GALNTL6: variants seen among roughly 807,000 people sequenced by gnomAD.
The protein encoded by GALNTL6 is polypeptide N-acetylgalactosaminyltransferase-like 6.
In GALNTL6, 46 loss-of-function variants were observed where a neutral mutation model predicts 73.7. That is an observed-to-expected ratio of 0.62 (90% CI 0.49 to 0.80). GALNTL6 has a LOEUF of 0.80. Ranked by LOEUF, GALNTL6 falls within the 30% of genes least tolerant of loss-of-function variation. The probability of loss-of-function intolerance (pLI) is 0.00; values close to 1 mark genes in which losing one functional copy is unlikely to be tolerated. For synonymous variants in GALNTL6, 259 were observed against 263.7 expected (o/e 0.98, Z 0.17); for missense variants, 604 against 755.0 (o/e 0.80, Z 2.34).
At chr4:172,669,172 T>C (rs563645775) in intron 5 of GALNTL6, 15 of 152,302 alleles carry the variant, frequency 9.8e-5, no homozygotes, top group Admixed American at 8.5e-4. Flanking sequence ...AATAGTTGTG[T>C]TTTATGAGAT....
chr4:172,799,157 A>C (rs1290221576), intron 5 of GALNTL6, among the ~76,000 whole-genome samples: 1 of 152,234 alleles, frequency 6.6e-6, no homozygotes, highest in East Asian at 1.9e-4. Context: ...AATAGTCACT[A>C]GATGCAAAGA....
chr4:172,015,276 C>A (rs998511928), intron 2 of GALNTL6, among the ~76,000 whole-genome samples: 4 of 151,976 alleles, frequency 2.6e-5, no homozygotes, highest in African/African-American at 9.7e-5. Context: ...TGCCATTTTT[C>A]TGTTGGACTA....
intron 3 of GALNTL6, among the ~76,000 whole-genome samples, chr4:172,292,228 T>C (rs1578917692): frequency 6.6e-6 from 1 of 152,186 alleles, no homozygotes; most frequent in East Asian, 1.9e-4. Flanking sequence ...TCTGACAATG[T>C]TATTTTTCAG....
At chr4:172,931,870 T>C (rs184160376) in intron 9 of GALNTL6, among the ~76,000 whole-genome samples, 4 of 152,350 alleles carry the variant, frequency 2.6e-5, no homozygotes, top group African/African-American at 9.6e-5. Flanking sequence ...TCTTCTCTTC[T>C]GCCGTTTGAA....
At chr4:173,033,728 G>A (rs976792343) in intron 12 of GALNTL6, among the ~76,000 whole-genome samples, 2 of 152,154 alleles carry the variant, frequency 1.3e-5, no homozygotes, top group African/African-American at 4.8e-5. Flanking sequence ...ATTAAAACTG[G>A]TTTCTTAATT....
chr4:172,679,208 TCAA>T (rs1398546443), intron 5 of GALNTL6, among the ~76,000 whole-genome samples: 1 of 152,078 alleles, frequency 6.6e-6, no homozygotes, highest in African/African-American at 2.4e-5. Flanking sequence ...GGCCAGGAGT[TCAA>T]AACCAGCCTG....
At position 171,849,505 on chromosome 4, in the gene GALNTL6, A is replaced by T. The variant is rs143219235; in HGVS notation, c.138+34787A>T. ...TGCACAGCATTTCAATTTCACTTTC[A>T]ACTACTTTAAGTCATCTACATTTGA... On this transcript the variant is annotated intron_variant, in intron 2 of 12. Coordinates refer to ENST00000506823, the MANE Select transcript of GALNTL6 (RefSeq NM_001034845.3). Among the ~76,000 whole-genome samples the T allele has an allele frequency of 5.8e-3, 887 of 152,368 alleles. 11 individuals carry two copies. Among genetic ancestry groups the T allele is most frequent in the African/African-American group, 0.02 (848 of 41,588 alleles).
intron 7 of GALNTL6, among the ~76,000 whole-genome samples, chr4:172,872,676 T>G (rs1745005844): frequency 2.6e-5 from 4 of 152,098 alleles, no homozygotes; most frequent in Non-Finnish European, 5.9e-5. Context: ...ACTTTTGGAG[T>G]CTGCTTAAGA....
At chr4:171,829,124 A>G (rs1480397382) in intron 2 of GALNTL6, among the ~76,000 whole-genome samples, 3 of 152,160 alleles carry the variant, frequency 2.0e-5, no homozygotes, top group African/African-American at 7.2e-5. Context: ...ACAAGAGGTC[A>G]ATATCCCTAG....
At chr4:172,759,958 T>C (rs1445930550) in intron 5 of GALNTL6, among the ~76,000 whole-genome samples, 1 of 150,426 alleles carries the variant, frequency 6.6e-6, no homozygotes, top group African/African-American at 2.5e-5. Context: ...TGCCTCAGCC[T>C]CCCCAGTAGC....
intron 5 of GALNTL6, among the ~76,000 whole-genome samples, chr4:172,444,996 T>C (rs1434079629): frequency 1.3e-4 from 20 of 152,142 alleles, no homozygotes; most frequent in Non-Finnish European, 1.5e-4. Context: ...AACTCTGTCA[T>C]TAAGCTATGA....
chr4:171,846,924 GTAATTATATATA>G (rs1362904199), intron 2 of GALNTL6, among the ~76,000 whole-genome samples: 3 of 142,478 alleles, frequency 2.1e-5, no homozygotes, highest in African/African-American at 7.7e-5. Context: ...ATAATTATAT[GTAATTATATATA>G]CATATAATTA....
chr4:171,932,139 ATT>A (rs1242263174), intron 2 of GALNTL6, among the ~76,000 whole-genome samples: 1 of 152,182 alleles, frequency 6.6e-6, no homozygotes. Flanking sequence ...TTTAAATAAT[ATT>A]TTAGAAAAAT....
chr4:172,694,042 T>C (rs1733493325), intron 5 of GALNTL6, among the ~76,000 whole-genome samples: 1 of 152,130 alleles, frequency 6.6e-6, no homozygotes, highest in Non-Finnish European at 1.5e-5. Flanking sequence ...TTCAATGAAA[T>C]TAGCCTGCGT....
chr4:172,216,951 T>A (rs1736515749), intron 2 of GALNTL6, among the ~76,000 whole-genome samples: 1 of 152,076 alleles, frequency 6.6e-6, no homozygotes, highest in African/African-American at 2.4e-5. Flanking sequence ...AGGCTATAGG[T>A]AAATTTAAAC....
At chr4:172,423,931 A>G (rs1289517963) in intron 5 of GALNTL6, among the ~76,000 whole-genome samples, 2 of 152,148 alleles carry the variant, frequency 1.3e-5, no homozygotes, top group Non-Finnish European at 2.9e-5. Flanking sequence ...ATCTTGATAT[A>G]GAGCATTGAA....
chr4:172,380,163 G>A (rs1743226736), intron 5 of GALNTL6: 4 of 1,040,808 alleles, frequency 3.8e-6, no homozygotes, highest in African/African-American at 1.6e-5. Context: ...AACAAGGCCT[G>A]GATCCGTAGC....
intron 5 of GALNTL6, among the ~76,000 whole-genome samples, chr4:172,780,872 T>C (rs1739337611): frequency 1.3e-5 from 2 of 152,226 alleles, no homozygotes; most frequent in South Asian, 4.1e-4. Context: ...CTCCCTGGGC[T>C]GTGCATATCA....
chr4:172,458,588 A>T (rs568711171), intron 5 of GALNTL6, among the ~76,000 whole-genome samples: 43 of 152,220 alleles, frequency 2.8e-4, no homozygotes, highest in Non-Finnish European at 5.6e-4. Flanking sequence ...GAATACTATG[A>T]ACACCTCTAT....
Sources: allele counts gnomAD v4.1 joint callset (sites outside exome capture counted in the v4.1 genomes callset), GRCh38; gene constraint gnomAD v4.1.1; transcripts MANE v1.5; gene names NCBI Gene and HGNC (gene_info 2026-07-23, HGNC 2026-07-21).